The following PKD2L1 variants were observed in gnomAD, a reference collection of about 807,000 sequenced individuals.
The protein encoded by PKD2L1 is polycystin 2 like 1, transient receptor potential cation channel.
PKD2L1 carries 77 observed loss-of-function variants against 93.0 expected under a neutral mutation model. The observed-to-expected ratio is 0.83, with a 90% confidence interval of 0.69 to 1.00. The LOEUF is 1.00. PKD2L1 is among the 50% of genes least tolerant of loss of function. The probability of loss-of-function intolerance (pLI) is 0.00; values close to 1 mark genes in which losing one functional copy is unlikely to be tolerated. For missense variants in PKD2L1, 977 were observed against 990.9 expected (o/e 0.99, Z 0.19); for synonymous variants, 390 against 388.0 (o/e 1.01, Z -0.06).
chr10:100,324,276 A>G (rs1209739380), intron 2 of PKD2L1, among the ~76,000 whole-genome samples: 1 of 152,232 alleles, frequency 6.6e-6, no homozygotes, highest in Non-Finnish European at 1.5e-5. Context: ...TATACAATGG[A>G]CCTACATTGA....
chr10:100,303,438 C>T (rs898543219), intron 2 of PKD2L1, among the ~76,000 whole-genome samples: 7 of 152,162 alleles, frequency 4.6e-5, no homozygotes, highest in Non-Finnish European at 1.0e-4. Flanking sequence ...CCCGCCTCGG[C>T]CTCCCAAAGT....
chr10:100,289,695 C>G (rs1848360838), intron 14 of PKD2L1, among the ~76,000 whole-genome samples: 1 of 152,180 alleles, frequency 6.6e-6, no homozygotes, highest in South Asian at 2.1e-4. Context: ...TGATCTTAGA[C>G]TTCCCAGCCT....
In PKD2L1 at chr10:100,292,802, G is replaced by A. The variant is rs1848432847; in HGVS notation, c.1880+146C>T. On this transcript the variant is annotated intron_variant, in intron 11 of 15. Transcript: ENST00000318222. ...CACAGTTCTGAAGGTCAGGAGCGGAGACCTACGGGCAAAGATCTGAAGCCT... is the reference window on the plus strand; with the variant it reads ...CACAGTTCTGAAGGTCAGGAGCGGAAACCTACGGGCAAAGATCTGAAGCCT... 9 of 752,992 alleles carry A rather than the reference G, an allele frequency of 1.2e-5. No individual in the cohort carries two copies. In the South Asian group the frequency reaches 2.3e-4, roughly 19 times the overall value. 46.6% of individuals were successfully genotyped at this position (752,992 alleles called of 1,614,324 possible). A position where few individuals can be genotyped will look rare whatever the true frequency, so the allele number is the denominator to read the frequency against.
At chr10:100,307,230 T>C (rs944639279) in intron 2 of PKD2L1, among the ~76,000 whole-genome samples, 1 of 152,178 alleles carries the variant, frequency 6.6e-6, no homozygotes, top group African/African-American at 2.4e-5. Context: ...GGTGCCAATA[T>C]TATCCATGCT....
rs1564884564 is a variant in PKD2L1 at position 100,299,580 on chromosome 10, C to T, written c.477+11G>A. On this transcript the variant is annotated intron_variant, in intron 3 of 15. Coordinates refer to ENST00000318222, the MANE Select transcript of PKD2L1 (RefSeq NM_016112.3). Reference sequence around the variant, plus strand: ...AAGAGAGGGGAGGGGTAGAAAAGATCTTATACTCACATCCCAGAAGTCCGC... The same window carrying T: ...AAGAGAGGGGAGGGGTAGAAAAGATTTTATACTCACATCCCAGAAGTCCGC... 2 of 1,613,356 alleles carry T rather than the reference C, an allele frequency of 1.2e-6. No individual in the cohort carries two copies. Among genetic ancestry groups the T allele is most frequent in the South Asian group, 1.1e-5 (1 of 91,056 alleles).
At chr10:100,293,576 A>G (rs17112891) in intron 9 of PKD2L1, among the ~76,000 whole-genome samples, 197 bp from the exon 10 acceptor site, 7,451 of 152,220 alleles carry the variant, frequency 0.049, 611 homozygotes, top group African/African-American at 0.17. Flanking sequence ...GAGATGGATC[A>G]TGCTTCTTGA....
intron 7 of PKD2L1, among the ~76,000 whole-genome samples, chr10:100,295,545 A>G (rs1465998463): frequency 1.3e-5 from 2 of 151,788 alleles, no homozygotes; most frequent in East Asian, 3.9e-4. Context: ...CAGCCTGGCC[A>G]ACATGGTGAA....
rs1243704765 is a variant in PKD2L1 at position 100,297,609 on chromosome 10, G to A, written c.732-3C>T. ...CATCCTGCGAGTGGTATGTCCACCT[G>A]CCACAGAAAATGCCAGCTGAGCCAG... On this transcript the variant is annotated splice_polypyrimidine_tract_variant and splice_region_variant and intron_variant, in intron 4 of 15. Coordinates refer to ENST00000318222, the MANE Select transcript of PKD2L1 (RefSeq NM_016112.3). The A allele has an allele frequency of 6.2e-7, 1 of 1,611,310 alleles. No individual in the cohort carries two copies.
chr10:100,300,770 T>C (rs572142013), intron 2 of PKD2L1, among the ~76,000 whole-genome samples: 2 of 152,360 alleles, frequency 1.3e-5, no homozygotes, highest in South Asian at 4.1e-4. Context: ...TTTTTCTTTT[T>C]GTAATTAATA....
At chr10:100,327,567 G>A (rs1363025188) in intron 2 of PKD2L1, among the ~76,000 whole-genome samples, 1 of 152,214 alleles carries the variant, frequency 6.6e-6, no homozygotes, top group Non-Finnish European at 1.5e-5. Context: ...GGCTAATCTG[G>A]AAAGAGAGAC....
At position 100,297,136 on chromosome 10, in the gene PKD2L1, G is replaced by A. The variant is rs1589663969; in HGVS notation, c.1029C>T (p.Arg343=). ...TAAAGAAGTCCCAGTTGCTGACATA[G>A]CGGATCAGCTTGACTGTGCGGATTT... is the stretch of plus-strand genomic sequence containing the variant. ...SWQIRTVKLI[R]YVSNWDFFIV... Residue 343 remains arginine, a synonymous_variant, in exon 6 of 16, where the codon CGC becomes CGT. Transcript: ENST00000318222. The A allele has an allele frequency of 6.2e-7, 1 of 1,614,196 alleles. No individual in the cohort carries two copies. The highest frequency in any genetic ancestry group is 1.1e-5 in the South Asian group (1 of 91,088).
At chr10:100,314,328 G>C (rs973265030) in intron 2 of PKD2L1, among the ~76,000 whole-genome samples, 14 of 152,152 alleles carry the variant, frequency 9.2e-5, no homozygotes, top group African/African-American at 3.4e-4. Flanking sequence ...GGAAAAGCCT[G>C]TGAGACAAAG....
At chr10:100,295,270 A>T (rs1056666378) in intron 7 of PKD2L1, 147 bp from the exon 8 acceptor site, 65 of 656,938 alleles carry the variant, frequency 9.9e-5, no homozygotes, top group Non-Finnish European at 1.2e-4. Context: ...AATGATACAA[A>T]AATTAGCTGG....
chr10:100,315,232 G>A (rs980894106), intron 2 of PKD2L1, among the ~76,000 whole-genome samples: 3 of 151,966 alleles, frequency 2.0e-5, no homozygotes, highest in Non-Finnish European at 2.9e-5. Flanking sequence ...TGTGCAGAAC[G>A]TGCAGGTTTG....
intron 11 of PKD2L1, 125 bp from the exon 12 acceptor site, chr10:100,291,552 G>T: frequency 1.1e-6 from 1 of 921,442 alleles, no homozygotes; most frequent in Non-Finnish European, 1.6e-6. Context: ...GTTCTCCAAA[G>T]TCTAGCAATC....
chr10:100,321,274 A>G (rs996353629), intron 2 of PKD2L1, among the ~76,000 whole-genome samples: 1 of 152,122 alleles, frequency 6.6e-6, no homozygotes, highest in Admixed American at 6.5e-5. Context: ...CCTGGCCAAT[A>G]TGGTGAAACC....
Position 100,295,013 on chromosome 10 carries a change from G to A in PKD2L1, c.1467C>T (p.Phe489=), listed in dbSNP as rs200756257. The A allele has an allele frequency of 3.8e-5, 61 of 1,614,164 alleles. No individual in the cohort carries two copies. The highest frequency in any genetic ancestry group is 2.0e-4 in the South Asian group (18 of 91,088). The change falls in exon 8 of 16, where the codon TTC becomes TTT. Residue 489 remains phenylalanine, a synonymous_variant. Coordinates refer to ENST00000318222, the MANE Select transcript of PKD2L1 (RefSeq NM_016112.3). ...GCAGGTAGCCGAGTTGGGCATAGGC[G>A]AAGAAAACAATGAAGAACATGACGG... is the stretch of plus-strand genomic sequence containing the variant. ...GFAVMFFIVF[F]AYAQLGYLLF...
chr10:100,312,090 C>A (rs908814278), intron 2 of PKD2L1, among the ~76,000 whole-genome samples: 1 of 152,068 alleles, frequency 6.6e-6, no homozygotes, highest in Non-Finnish European at 1.5e-5. Flanking sequence ...CCAAATAGTT[C>A]ATGTGTCTTA....
At chr10:100,310,170 CA>C in intron 2 of PKD2L1, among the ~76,000 whole-genome samples, 1 of 151,996 alleles carries the variant, frequency 6.6e-6, no homozygotes, top group East Asian at 1.9e-4. Context: ...CCCATTTCTA[CA>C]AAAAGAGAAA....
Sources: gnomAD v4.1 joint callset for allele counts (sites outside exome capture counted in the v4.1 genomes callset) on GRCh38, gnomAD v4.1.1 for gene constraint, MANE v1.5 for transcripts, NCBI Gene and HGNC (gene_info 2026-07-23, HGNC 2026-07-21) for gene names.